The following LRP1B variants were observed in gnomAD, a reference collection of about 807,000 sequenced individuals.
LRP1B encodes low-density lipoprotein receptor-related protein 1B.
LRP1B carries 217 observed loss-of-function variants against 556.6 expected under a neutral mutation model. The ratio of observed to expected loss-of-function variants is 0.39; its 90% CI spans 0.35 to 0.44. The LOEUF (loss-of-function observed/expected upper bound fraction) is 0.44, where lower values mean the gene tolerates loss of function less well. LRP1B is among the 20% of genes least tolerant of loss of function. The pLI is 1.00. For synonymous variants in LRP1B, 2,047 were observed against 1,865.8 expected, an observed-to-expected ratio of 1.10 and a Z score of -2.50; for missense variants, 5,053 against 5,620.8, an observed-to-expected ratio of 0.90 and a Z score of 3.23.
intron 1 of LRP1B, among the ~76,000 whole-genome samples, chr2:142,045,519 T>G (rs1336037050): frequency 6.6e-6 from 1 of 151,844 alleles, no homozygotes; most frequent in Non-Finnish European, 1.5e-5. Context: ...AGGAATTAGG[T>G]GATGTATGCA....
intron 6 of LRP1B, among the ~76,000 whole-genome samples, chr2:141,199,043 A>G (rs1681881719): frequency 6.6e-6 from 1 of 152,106 alleles, no homozygotes; most frequent in Non-Finnish European, 1.5e-5. Flanking sequence ...AAAGTTCCTC[A>G]CAGAGAACCC....
intron 2 of LRP1B, among the ~76,000 whole-genome samples, chr2:141,744,155 C>T (rs1246199882): frequency 6.6e-6 from 1 of 151,930 alleles, no homozygotes; most frequent in East Asian, 1.9e-4. Flanking sequence ...GTACTGCTTT[C>T]AGTGTATCCC....
At chr2:140,700,714 A>G in intron 40 of LRP1B, 93 bp from the exon 41 acceptor site, 2 of 1,272,662 alleles carry the variant, frequency 1.6e-6, no homozygotes, top group East Asian at 2.4e-5. Context: ...TAAAACTTTG[A>G]TGTTGAATAT....
chr2:141,048,017 T>C (rs1698928195), intron 11 of LRP1B, among the ~76,000 whole-genome samples: 1 of 152,160 alleles, frequency 6.6e-6, no homozygotes, highest in African/African-American at 2.4e-5. Flanking sequence ...AATTAAATGC[T>C]GCAGTGTCTT....
At chr2:140,766,866 A>ATATATATATATAT (rs1203989037) in intron 35 of LRP1B, among the ~76,000 whole-genome samples, 1 of 116,362 alleles carries the variant, frequency 8.6e-6, no homozygotes, top group Admixed American at 9.0e-5. Flanking sequence ...ATATATATAT[A>ATATATATATATAT]ATATATATAA....
chr2:141,241,344 G>A (rs1683870863), intron 5 of LRP1B, among the ~76,000 whole-genome samples: 1 of 152,064 alleles, frequency 6.6e-6, no homozygotes, highest in African/African-American at 2.4e-5. Context: ...TCAGTATAGT[G>A]TGATTGCAGA....
intron 6 of LRP1B, among the ~76,000 whole-genome samples, chr2:141,192,596 T>C (rs1009562228): frequency 2.0e-5 from 3 of 151,912 alleles, no homozygotes; most frequent in African/African-American, 7.2e-5. Context: ...TGCTACTTAT[T>C]CTTTTTTTCA....
chr2:140,432,403 A>T (rs1427210842), intron 66 of LRP1B, among the ~76,000 whole-genome samples: 1 of 152,222 alleles, frequency 6.6e-6, no homozygotes, highest in Non-Finnish European at 1.5e-5. Flanking sequence ...ACGAACATGA[A>T]CATTTCCTCA....
intron 2 of LRP1B, among the ~76,000 whole-genome samples, chr2:141,492,366 A>G (rs999945059): frequency 4.6e-5 from 7 of 152,136 alleles, no homozygotes; most frequent in Admixed American, 3.3e-4. Flanking sequence ...AAACAAAACA[A>G]AACAAAACAA....
At chr2:141,295,398 G>A (rs1686141952) in intron 3 of LRP1B, among the ~76,000 whole-genome samples, 2 of 152,050 alleles carry the variant, frequency 1.3e-5, no homozygotes, top group Admixed American at 1.3e-4. Context: ...CAAACCGTAA[G>A]TCTTCTTTAC....
At chr2:141,371,525 T>C (rs1689230778) in intron 3 of LRP1B, among the ~76,000 whole-genome samples, 1 of 152,214 alleles carries the variant, frequency 6.6e-6, no homozygotes, top group African/African-American at 2.4e-5. Flanking sequence ...GTTATTCCAC[T>C]TCTTTGTGTC....
At chr2:140,370,322 T>A (rs536680411) in intron 71 of LRP1B, among the ~76,000 whole-genome samples, 37 of 152,138 alleles carry the variant, frequency 2.4e-4, no homozygotes, top group African/African-American at 7.9e-4. Context: ...GTTGTTCCTA[T>A]GCTTTCAGAG....
chr2:141,464,606 A>ATATATATATATATATATT lies in LRP1B; in HGVS notation c.343+15789_343+15790insAATATATATATATATATA. ...TTTGTATATATATATATATATATAT[A>ATATATATATATATATATT]TTTTTTTAGTAGAGATGGGGTTTCA... On this transcript the variant is annotated intron_variant, in intron 3 of 90. Transcript: ENST00000389484. 1.4e-4 allele frequency among the ~76,000 whole-genome samples: 13 copies of ATATATATATATATATATT among 90,538 alleles called. No homozygotes were observed. The East Asian group carries it at 2.5e-3, about 17-fold the overall frequency. 59.4% of individuals were successfully genotyped at this position (90,538 alleles called of 152,430 possible).
intron 20 of LRP1B, among the ~76,000 whole-genome samples, chr2:140,949,659 T>C (rs1695646371): frequency 6.6e-6 from 1 of 151,814 alleles, no homozygotes; most frequent in Non-Finnish European, 1.5e-5. Context: ...AGAGTAAGTA[T>C]GCCGGGCGCG....
At chr2:141,467,371 T>C (rs760797161) in intron 3 of LRP1B, among the ~76,000 whole-genome samples, 6 of 152,054 alleles carry the variant, frequency 3.9e-5, no homozygotes, top group Admixed American at 6.6e-5. Context: ...ATAGAATCTG[T>C]TAGAAGGAAC....
At chr2:140,302,824 C>G (rs1352087943) in intron 83 of LRP1B, among the ~76,000 whole-genome samples, 1 of 151,766 alleles carries the variant, frequency 6.6e-6, no homozygotes, top group East Asian at 1.9e-4. Context: ...CTTCCTCCTC[C>G]CACCCAGTTG....
intron 1 of LRP1B, among the ~76,000 whole-genome samples, chr2:142,064,595 C>T (rs1705036568): frequency 1.3e-5 from 2 of 151,426 alleles, no homozygotes; most frequent in Admixed American, 1.3e-4. Context: ...TCCTGTCTTT[C>T]CTTAAATGGT....
At chr2:140,264,482 A>C (rs1270045853) in intron 86 of LRP1B, among the ~76,000 whole-genome samples, 2 of 151,988 alleles carry the variant, frequency 1.3e-5, no homozygotes, top group Non-Finnish European at 2.9e-5. Context: ...TTCAACTACT[A>C]ACCTCAAGTG....
At chr2:140,426,674 A>G (rs988656783) in intron 66 of LRP1B, among the ~76,000 whole-genome samples, 2 of 152,074 alleles carry the variant, frequency 1.3e-5, no homozygotes, top group Non-Finnish European at 2.9e-5. Context: ...AATCTTATAA[A>G]ACAGCCCCAC....
Sources: gnomAD v4.1 joint callset for allele counts (sites outside exome capture counted in the v4.1 genomes callset) on GRCh38, gnomAD v4.1.1 for gene constraint, MANE v1.5 for transcripts, NCBI Gene and HGNC (gene_info 2026-07-23, HGNC 2026-07-21) for gene names.